The following ARHGAP35 variants were observed in gnomAD, a reference collection of about 807,000 sequenced individuals.
ARHGAP35 encodes rho GTPase-activating protein 35.
Under a neutral mutation model 111.1 loss-of-function variants are expected in ARHGAP35, and 15 were observed. The observed-to-expected ratio is 0.13, with a 90% CI of 0.09 to 0.21. The LOEUF is 0.21. Ranked by LOEUF, ARHGAP35 falls within the 10% of genes least tolerant of loss-of-function variation. ARHGAP35 has a pLI of 1.00. For missense variants in ARHGAP35, 1,262 were observed against 1,873.0 expected (o/e 0.67, Z 6.02); for synonymous variants, 643 against 710.3 (o/e 0.91, Z 1.51).
At position 46,992,809 on chromosome 19, in the gene ARHGAP35, C is replaced by T. The variant is rs2056686298; in HGVS notation, c.4036+3134C>T. Among the ~76,000 whole-genome samples the T allele has an allele frequency of 6.6e-5, 10 of 152,336 alleles. No homozygotes were observed. In the South Asian group the frequency reaches 2.1e-3, roughly 32 times the overall value. On this transcript the variant is annotated intron_variant, in intron 5 of 6. Transcript: ENST00000672722. This position sits in a 1 kb window ranked among gnomAD's most constrained non-coding sequence, Gnocchi z 4.4. ...CCGAACATGGTTCAGGATGCCAGCT[C>T]ATTGTCTCGGCCTTTCCATTTGACA...
chr19:46,973,128 C>T (rs2056560303), intron 3 of ARHGAP35, among the ~76,000 whole-genome samples: 1 of 150,716 alleles, frequency 6.6e-6, no homozygotes, highest in African/African-American at 2.4e-5. Context: ...TTCGGGAGGC[C>T]GAGGCAGGCA....
In ARHGAP35 at chr19:46,993,827, G is replaced by A. The variant is rs2056692282; in HGVS notation, c.4036+4152G>A. ...AGCCAAGCAAAGGGGTGAGCGCAGT[G>A]TGGAGGCTGGGGTCTCCTCCATAGG... On this transcript the variant is annotated intron_variant, in intron 5 of 6. Coordinates refer to ENST00000672722, the MANE Select transcript of ARHGAP35 (RefSeq NM_004491.5). The surrounding 1 kb of genome is among the most constrained non-coding windows in gnomAD (Gnocchi z 4.6). Among the ~76,000 whole-genome samples, 1 of 152,052 alleles carries A rather than the reference G, an allele frequency of 6.6e-6. No homozygotes were observed. The highest frequency in any genetic ancestry group is 1.5e-5 in the Non-Finnish European group (1 of 68,006).
chr19:46,885,466 A>G (rs1417094289), intron 1 of ARHGAP35, among the ~76,000 whole-genome samples: 5 of 152,160 alleles, frequency 3.3e-5, no homozygotes, highest in South Asian at 2.1e-4. Flanking sequence ...GGAGAATAAT[A>G]AATTACCCCC....
Position 47,001,445 on chromosome 19 carries a change from A to G in ARHGAP35, c.*757A>G, listed in dbSNP as rs550670983. 26 of 1,241,634 alleles carry G rather than the reference A, an allele frequency of 2.1e-5. No individual in the cohort carries two copies. The highest frequency in any genetic ancestry group is 2.6e-5 in the Non-Finnish European group (25 of 946,078). The allele number at this position is 1,241,634 out of a possible 1,614,324, so 76.9% of individuals were successfully genotyped here. ...CCACAGAAAGAAAACTACAGACCTC[A>G]AGATTCCACTCTGTGCCCGCCTCTG... On this transcript the variant is annotated 3_prime_UTR_variant, in exon 7 of 7. Transcript: ENST00000672722. The surrounding 1 kb of genome is among the most constrained non-coding windows in gnomAD (Gnocchi z 5.4).
chr19:46,908,478 G>A lies in ARHGAP35; in HGVS notation c.-188-10010G>A, dbSNP rs1453836465. 6.6e-6 allele frequency among the ~76,000 whole-genome samples: 1 copy of A among 151,614 alleles called. No individual in the cohort carries two copies. Among genetic ancestry groups the A allele is most frequent in the South Asian group, 2.1e-4 (1 of 4,826 alleles). On this transcript the variant is annotated intron_variant, in intron 1 of 6. Coordinates refer to ENST00000672722, the MANE Select transcript of ARHGAP35 (RefSeq NM_004491.5). This position sits in a 1 kb window ranked among gnomAD's most constrained non-coding sequence, Gnocchi z 4.2. Reference sequence around the variant, plus strand: ...TATTTTTACAGCTTATCAGAATCTTGGTTTTTGTTGTTGTTTTTCTTAATA... The same window carrying A: ...TATTTTTACAGCTTATCAGAATCTTAGTTTTTGTTGTTGTTTTTCTTAATA...
chr19:46,935,033 G>A (rs918030908), intron 2 of ARHGAP35, among the ~76,000 whole-genome samples: 1 of 152,162 alleles, frequency 6.6e-6, no homozygotes, highest in Non-Finnish European at 1.5e-5. Context: ...GTATAGACTC[G>A]TTAAATTATT....
chr19:46,942,107 T>TTC (rs1287111147), intron 3 of ARHGAP35, among the ~76,000 whole-genome samples: 1 of 152,170 alleles, frequency 6.6e-6, no homozygotes, highest in Non-Finnish European at 1.5e-5. Flanking sequence ...AGAAAACTTT[T>TTC]TCTCCCTTTT....
Position 46,992,226 on chromosome 19 carries a change from C to T in ARHGAP35, c.4036+2551C>T, listed in dbSNP as rs1168623797. 1.3e-5 allele frequency among the ~76,000 whole-genome samples: 2 copies of T among 152,150 alleles called. No individual in the cohort carries two copies. Among genetic ancestry groups the T allele is most frequent in the Non-Finnish European group, 2.9e-5 (2 of 68,040 alleles). On this transcript the variant is annotated intron_variant, in intron 5 of 6. Transcript: ENST00000672722. The surrounding 1 kb of genome is among the most constrained non-coding windows in gnomAD (Gnocchi z 4.4). ...AGGAAGATGGTATTATAATACATCT[C>T]CATTTTACAGAGAAGGAAACAGCTT...
intron 5 of ARHGAP35, among the ~76,000 whole-genome samples, chr19:46,990,178 C>T (rs867518554): frequency 5.9e-5 from 9 of 152,210 alleles, no homozygotes; most frequent in Admixed American, 3.3e-4. Context: ...CTTAGGAAGC[C>T]GGCCTCTGGA....
intron 3 of ARHGAP35, among the ~76,000 whole-genome samples, chr19:46,964,430 A>T (rs754110188): frequency 6.6e-6 from 1 of 151,182 alleles, no homozygotes; most frequent in African/African-American, 2.4e-5. Context: ...ACTTTTTAAA[A>T]TATGTTTCGT....
Position 46,988,047 on chromosome 19 carries a change from G to A in ARHGAP35, c.3885G>A (p.Leu1295=), listed in dbSNP as rs1239062467. 3 of 1,613,876 alleles carry A rather than the reference G, an allele frequency of 1.9e-6. No homozygotes were observed. The highest frequency in any genetic ancestry group is 2.7e-5 in the African/African-American group (2 of 75,066). Residue 1295 remains leucine (L), a synonymous_variant, in exon 4 of 7, where the codon CTG becomes CTA. Coordinates refer to ENST00000672722, the MANE Select transcript of ARHGAP35 (RefSeq NM_004491.5). This position sits in a 1 kb window ranked among gnomAD's most constrained non-coding sequence, Gnocchi z 5.4. ...VSGNKSEMES[L]QRQFDQDHNL... Reference sequence around the variant, plus strand: ...GGAACAAGTCTGAGATGGAGAGTCTGCAGAGACAGTTTGATCAAGGTAAAG... The same window carrying A: ...GGAACAAGTCTGAGATGGAGAGTCTACAGAGACAGTTTGATCAAGGTAAAG...
intron 1 of ARHGAP35, among the ~76,000 whole-genome samples, chr19:46,892,189 A>G (rs1008227249): frequency 2.0e-5 from 3 of 150,474 alleles, no homozygotes; most frequent in Admixed American, 2.0e-4. Context: ...TTGTAATCCA[A>G]GCTACTTGGG....
rs11548676 is a variant in ARHGAP35 at position 47,000,428 on chromosome 19, G to T, written c.4240G>T (p.Ala1414Ser). The change falls in exon 7 of 7, where the codon GCC becomes TCC. Residue 1414 changes from alanine (A) to serine (S), a missense_variant. Around this residue, in one of 8 missense-constraint regions of ARHGAP35, gnomAD observed 23 missense variants for 63.9 expected, o/e 0.36. Coordinates refer to ENST00000672722, the MANE Select transcript of ARHGAP35 (RefSeq NM_004491.5). This position sits in a 1 kb window ranked among gnomAD's most constrained non-coding sequence, Gnocchi z 6.9. Reference protein sequence around the residue: ...LMRPDFSTMDALTATRTYQTI... With the variant: ...LMRPDFSTMDSLTATRTYQTI... Reference sequence around the variant, plus strand: ...GAGACCTGATTTCAGCACTATGGACGCCCTCACAGCCACGCGCACCTACCA... The same window carrying T: ...GAGACCTGATTTCAGCACTATGGACTCCCTCACAGCCACGCGCACCTACCA... The T allele has an allele frequency of 5.6e-6, 9 of 1,613,658 alleles. No individual in the cohort carries two copies. Among genetic ancestry groups the T allele is most frequent in the South Asian group, 1.1e-5 (1 of 91,040 alleles).
rs376654014 is a variant in ARHGAP35, at chr19:46,922,710, G to A, written c.3681+354G>A. Among the ~76,000 whole-genome samples the A allele has an allele frequency of 6.6e-6, 1 of 152,152 alleles. No homozygotes were observed. Among genetic ancestry groups the A allele is most frequent in the African/African-American group, 2.4e-5 (1 of 41,432 alleles). ...ACACCAGAACTCAAAACTGCTTGCC[G>A]CAGTCTCTCACTGCTAAACATAACA... is the stretch of plus-strand genomic sequence containing the variant. On this transcript the variant is annotated intron_variant, in intron 2 of 6. Coordinates refer to ENST00000672722, the MANE Select transcript of ARHGAP35 (RefSeq NM_004491.5). This position sits in a 1 kb window ranked among gnomAD's most constrained non-coding sequence, Gnocchi z 4.0.
chr19:46,916,507 T>G (rs1056317960), intron 1 of ARHGAP35, among the ~76,000 whole-genome samples: 1 of 152,190 alleles, frequency 6.6e-6, no homozygotes, highest in Middle Eastern at 3.2e-3. Context: ...GAATCATCAT[T>G]CAGTTATTGA....
chr19:46,973,201 A>C (rs1436080194), intron 3 of ARHGAP35, among the ~76,000 whole-genome samples: 1 of 152,010 alleles, frequency 6.6e-6, no homozygotes, highest in Non-Finnish European at 1.5e-5. Flanking sequence ...TGTCTCTTCT[A>C]AAAATACAAA....
At chr19:46,905,762 G>A (rs973835976) in intron 1 of ARHGAP35, among the ~76,000 whole-genome samples, 1 of 152,164 alleles carries the variant, frequency 6.6e-6, no homozygotes, top group East Asian at 1.9e-4. Context: ...ATGTTGGCCA[G>A]GCTGTTCTTG....
Position 46,992,932 on chromosome 19 carries a change from G to A in ARHGAP35, c.4036+3257G>A, listed in dbSNP as rs1185175579. On this transcript the variant is annotated intron_variant, in intron 5 of 6. Coordinates refer to ENST00000672722, the MANE Select transcript of ARHGAP35 (RefSeq NM_004491.5). The surrounding 1 kb of genome is among the most constrained non-coding windows in gnomAD (Gnocchi z 4.4). ...TCTTGTTCACCAGCTGCCTTGGGAC[G>A]TTACTGGTTCTGGGATCCTGCCTTC... Among the ~76,000 whole-genome samples, 1 of 152,174 alleles carries A rather than the reference G, an allele frequency of 6.6e-6. No individual in the cohort carries two copies. The highest frequency in any genetic ancestry group is 1.5e-5 in the Non-Finnish European group (1 of 68,028).
At chr19:46,966,408 G>A (rs1796112242) in intron 3 of ARHGAP35, among the ~76,000 whole-genome samples, 1 of 152,136 alleles carries the variant, frequency 6.6e-6, no homozygotes, top group South Asian at 2.1e-4. Context: ...AATTAATCAG[G>A]TGTGCTGGTG....
Sources: gnomAD v4.1 joint callset for allele counts (sites outside exome capture counted in the v4.1 genomes callset) on GRCh38, gnomAD v4.1.1 for gene constraint, gnomAD v4.1.1 regional missense constraint, Gnocchi (gnomAD v3.1) non-coding constraint, MANE v1.5 for transcripts, NCBI Gene and HGNC (gene_info 2026-07-23, HGNC 2026-07-21) for gene names.